SLIT1: variants seen among roughly 807,000 people sequenced by gnomAD.
The protein encoded by SLIT1 is slit guidance ligand 1.
In SLIT1, 66 loss-of-function variants were observed where a neutral mutation model predicts 186.1. The ratio of observed to expected loss-of-function variants is 0.35; its 90% CI spans 0.29 to 0.44. SLIT1 has a LOEUF of 0.44. Among genes scored for constraint, SLIT1 ranks in the 20% least tolerant of loss-of-function variants. The pLI is 1.00. For missense variants in SLIT1, 1,638 were observed against 2,037.4 expected, an observed-to-expected ratio of 0.80 and a Z score of 3.77; for synonymous variants, 761 against 833.8, an observed-to-expected ratio of 0.91 and a Z score of 1.50.
chr10:97,114,698 TCTA>T (rs1849494578), intron 4 of SLIT1, among the ~76,000 whole-genome samples: 1 of 152,134 alleles, frequency 6.6e-6, no homozygotes, highest in African/African-American at 2.4e-5. Flanking sequence ...GATGGAGTCA[TCTA>T]CCTGGATACT....
intron 1 of SLIT1, among the ~76,000 whole-genome samples, chr10:97,176,717 G>A (rs1004654450): frequency 6.6e-6 from 1 of 152,034 alleles, no homozygotes; most frequent in Admixed American, 6.6e-5. Context: ...CAGACGGACT[G>A]AATGCTCTCC....
At chr10:97,157,050 G>A (rs1354513517) in intron 4 of SLIT1, among the ~76,000 whole-genome samples, 1 of 152,100 alleles carries the variant, frequency 6.6e-6, no homozygotes, top group Non-Finnish European at 1.5e-5. Flanking sequence ...GCAGATTTAG[G>A]GCCCAAAGTT....
chr10:97,121,672 C>G (rs1433235272), intron 4 of SLIT1, among the ~76,000 whole-genome samples: 1 of 152,170 alleles, frequency 6.6e-6, no homozygotes, highest in African/African-American at 2.4e-5. Context: ...ATTCTGCAAG[C>G]CCACCCCTTG....
chr10:97,164,957 C>G, intron 1 of SLIT1, 67 bp from the exon 2 acceptor site: 1 of 1,221,268 alleles, frequency 8.2e-7, no homozygotes, highest in Non-Finnish European at 1.2e-6. Context: ...AGGGGCCCTG[C>G]TCCAGGTGCC....
chr10:97,048,923 ACAGGTGGG>A (rs755320286), intron 14 of SLIT1, 24 bp downstream of exon 14: 16 of 1,592,964 alleles, frequency 1.0e-5, no homozygotes, highest in African/African-American at 1.3e-5. Context: ...AGGTAGGTGG[ACAGGTGGG>A]CAGGTGGGCA....
chr10:97,018,752 G>T, intron 27 of SLIT1, 69 bp from the exon 28 acceptor site: 1 of 983,858 alleles, frequency 1.0e-6, no homozygotes, highest in Non-Finnish European at 1.6e-6. Flanking sequence ...CAGCCAGCCA[G>T]ACCCTCAGCA....
intron 4 of SLIT1, among the ~76,000 whole-genome samples, chr10:97,147,644 G>A (rs2134709766): frequency 6.6e-6 from 1 of 151,982 alleles, no homozygotes; most frequent in Non-Finnish European, 1.5e-5. Context: ...GGGGGGGGAA[G>A]GAGGCCTTTG....
intron 4 of SLIT1, among the ~76,000 whole-genome samples, chr10:97,112,941 A>C (rs1374029695): frequency 1.3e-5 from 2 of 152,032 alleles, no homozygotes; most frequent in East Asian, 3.9e-4. Context: ...CAATCCTCCC[A>C]CCTCGGCCTT....
chr10:97,140,732 G>A (rs557021962), intron 4 of SLIT1, among the ~76,000 whole-genome samples: 2 of 152,310 alleles, frequency 1.3e-5, no homozygotes, highest in East Asian at 1.9e-4. Flanking sequence ...GCAGCCCAGG[G>A]GAGAACGGGC....
intron 4 of SLIT1, among the ~76,000 whole-genome samples, chr10:97,111,796 G>A (rs950758550): frequency 1.3e-5 from 2 of 152,068 alleles, no homozygotes; most frequent in Non-Finnish European, 2.9e-5. Context: ...GCTCACATCC[G>A]TACCCAGATG....
chr10:97,104,325 A>G (rs930967612), intron 4 of SLIT1, among the ~76,000 whole-genome samples: 30 of 152,106 alleles, frequency 2.0e-4, no homozygotes, highest in Non-Finnish European at 3.2e-4. Flanking sequence ...GGAGTGAGAA[A>G]GGGGAAAAGT....
intron 4 of SLIT1, among the ~76,000 whole-genome samples, chr10:97,115,481 C>T (rs897217315): frequency 6.6e-6 from 1 of 152,122 alleles, no homozygotes; most frequent in Admixed American, 6.5e-5. Context: ...ATTCTGGGTG[C>T]CTGTAAGTTT....
chr10:97,073,933 T>C (rs1849023060), intron 4 of SLIT1, among the ~76,000 whole-genome samples: 1 of 152,118 alleles, frequency 6.6e-6, no homozygotes, highest in African/African-American at 2.4e-5. Flanking sequence ...ACAGGACCTG[T>C]GTACTTGCTG....
rs1008812115 is a variant in SLIT1 at position 97,004,368 on chromosome 10, C to T, written c.3711-146G>A. 25 of 817,346 alleles carry T rather than the reference C, an allele frequency of 3.1e-5. No individual in the cohort carries two copies. The highest frequency in any genetic ancestry group is 3.7e-4 in the Middle Eastern group (1 of 2,668). 50.6% of individuals were successfully genotyped at this position (817,346 alleles called of 1,614,324 possible). Reference sequence around the variant, plus strand: ...GGACTGTGGGGGCTCAAGGGTCTATCGCATGATCCCTTTCACTCCCCTTCT... The same window carrying T: ...GGACTGTGGGGGCTCAAGGGTCTATTGCATGATCCCTTTCACTCCCCTTCT... On this transcript the variant is annotated intron_variant, in intron 33 of 36. Transcript: ENST00000266058. The surrounding 1 kb of genome is among the most constrained non-coding windows in gnomAD (Gnocchi z 5.1).
intron 1 of SLIT1, among the ~76,000 whole-genome samples, chr10:97,175,574 G>C (rs1202520267): frequency 6.6e-6 from 1 of 152,120 alleles, no homozygotes. Context: ...CAATCCGAGT[G>C]GGTGTGAGGT....
At chr10:97,058,055 T>C (rs1164926041) in intron 11 of SLIT1, 1 of 717,278 alleles carries the variant, frequency 1.4e-6, no homozygotes, top group South Asian at 1.5e-5. Context: ...GGCCCTGCAG[T>C]GGGAGCTGTG....
At chr10:97,109,945 A>G (rs1849449977) in intron 4 of SLIT1, among the ~76,000 whole-genome samples, 1 of 152,150 alleles carries the variant, frequency 6.6e-6, no homozygotes, top group South Asian at 2.1e-4. Context: ...AGCTCAGTTT[A>G]CTCATATACC....
intron 4 of SLIT1, among the ~76,000 whole-genome samples, chr10:97,098,365 C>T (rs1305999688): frequency 6.6e-6 from 1 of 152,188 alleles, no homozygotes; most frequent in African/African-American, 2.4e-5. Context: ...GGGATGAAGC[C>T]AAGCTGCTAG....
intron 4 of SLIT1, among the ~76,000 whole-genome samples, chr10:97,082,536 G>A (rs1241985417): frequency 6.6e-6 from 1 of 152,136 alleles, no homozygotes; most frequent in Non-Finnish European, 1.5e-5. Context: ...CTGGGTTCAC[G>A]TCATTCTCCT....
Sources: allele counts gnomAD v4.1 joint callset (sites outside exome capture counted in the v4.1 genomes callset), GRCh38; gene constraint gnomAD v4.1.1; non-coding constraint Gnocchi (gnomAD v3.1); transcripts MANE v1.5; gene names NCBI Gene and HGNC (gene_info 2026-07-23, HGNC 2026-07-21).